Variants in LRRC4C observed in about 807,000 individuals in gnomAD.
The protein encoded by LRRC4C is leucine rich repeat containing 4C.
Under a neutral mutation model 33.6 loss-of-function variants are expected in LRRC4C, and 5 were observed. The observed-to-expected ratio is 0.15, with a 90% CI of 0.08 to 0.31. LRRC4C has a LOEUF of 0.31. LRRC4C is among the 10% of genes least tolerant of loss of function. LRRC4C has a pLI of 1.00. For missense variants in LRRC4C, 560 were observed against 796.7 expected, an observed-to-expected ratio of 0.70 and a Z score of 3.58; for synonymous variants, 329 against 302.0, an observed-to-expected ratio of 1.09 and a Z score of -0.93.
intron 2 of LRRC4C, among the ~76,000 whole-genome samples, chr11:40,660,417 C>G (rs1354710618): frequency 1.3e-5 from 2 of 152,172 alleles, no homozygotes; most frequent in South Asian, 2.1e-4. Flanking sequence ...AAGTTTCTGG[C>G]TGGAAAAGCA....
At chr11:40,600,603 A>G (rs1959889985) in intron 3 of LRRC4C, among the ~76,000 whole-genome samples, 1 of 152,224 alleles carries the variant, frequency 6.6e-6, no homozygotes, top group South Asian at 2.1e-4. Flanking sequence ...TCATTGTGCT[A>G]GTAAATCTAA....
chr11:41,397,839 A>T (rs928012621), intron 1 of LRRC4C, among the ~76,000 whole-genome samples: 4 of 151,964 alleles, frequency 2.6e-5, no homozygotes, highest in African/African-American at 9.7e-5. Context: ...CAAGGTAGAG[A>T]TCCAAACCAG....
chr11:41,024,651 T>C (rs1386847677), intron 1 of LRRC4C, among the ~76,000 whole-genome samples: 1 of 151,816 alleles, frequency 6.6e-6, no homozygotes, highest in African/African-American at 2.4e-5. Context: ...TGGCTTCATC[T>C]TAGGATCCAT....
chr11:40,707,903 T>G (rs1026063724), intron 2 of LRRC4C, among the ~76,000 whole-genome samples: 1 of 152,208 alleles, frequency 6.6e-6, no homozygotes, highest in African/African-American at 2.4e-5. Flanking sequence ...GTTATTGGTC[T>G]ATTCAGCAAT....
chr11:40,393,636 C>A (rs1240918986), intron 3 of LRRC4C, among the ~76,000 whole-genome samples: 1 of 152,084 alleles, frequency 6.6e-6, no homozygotes, highest in Admixed American at 6.6e-5. Flanking sequence ...GAATCTCCAG[C>A]AACAAAAACA....
intron 1 of LRRC4C, among the ~76,000 whole-genome samples, chr11:41,252,082 A>G (rs1018360075): frequency 1.3e-5 from 2 of 152,198 alleles, no homozygotes; most frequent in African/African-American, 2.4e-5. Context: ...TCAAAGTAAG[A>G]AGGCACTACA....
At chr11:41,037,282 G>A in intron 1 of LRRC4C, among the ~76,000 whole-genome samples, 1 of 148,188 alleles carries the variant, frequency 6.7e-6, no homozygotes, top group Admixed American at 6.7e-5. Flanking sequence ...TCTTTGATGG[G>A]TTTTTTTTTT....
At chr11:40,766,535 AT>A (rs1949474103) in intron 2 of LRRC4C, among the ~76,000 whole-genome samples, 1 of 151,848 alleles carries the variant, frequency 6.6e-6, no homozygotes, top group African/African-American at 2.4e-5. Flanking sequence ...GATGAAAAAA[AT>A]AACTATACAA....
At chr11:41,181,058 TA>T (rs1412661780) in intron 1 of LRRC4C, among the ~76,000 whole-genome samples, 1 of 152,122 alleles carries the variant, frequency 6.6e-6, no homozygotes, top group Non-Finnish European at 1.5e-5. Context: ...ATTAATAAAC[TA>T]GGAAATATTA....
At chr11:41,019,547 T>A (rs1043325819) in intron 1 of LRRC4C, among the ~76,000 whole-genome samples, 2 of 152,108 alleles carry the variant, frequency 1.3e-5, no homozygotes, top group African/African-American at 4.8e-5. Flanking sequence ...GTAATGGGAT[T>A]GCTGGCTCAA....
intron 2 of LRRC4C, among the ~76,000 whole-genome samples, chr11:40,885,652 G>A (rs569374685): frequency 7.2e-5 from 11 of 152,092 alleles, no homozygotes; most frequent in South Asian, 2.1e-4. Flanking sequence ...CACAGGTATC[G>A]TACTGAAAAT....
At chr11:40,928,028 G>C (rs1340993011) in intron 2 of LRRC4C, among the ~76,000 whole-genome samples, 6 of 151,840 alleles carry the variant, frequency 4.0e-5, no homozygotes, top group Non-Finnish European at 8.8e-5. Flanking sequence ...ACATTATTTA[G>C]AAGTTTAAAA....
At chr11:40,565,136 T>C (rs747293797) in intron 3 of LRRC4C, among the ~76,000 whole-genome samples, 11 of 152,164 alleles carry the variant, frequency 7.2e-5, no homozygotes, top group Non-Finnish European at 1.6e-4. Flanking sequence ...ACAGGAAATG[T>C]GATTCATTCC....
chr11:40,632,554 G>A (rs1963561211), intron 3 of LRRC4C, among the ~76,000 whole-genome samples: 1 of 152,208 alleles, frequency 6.6e-6, no homozygotes, highest in Non-Finnish European at 1.5e-5. Flanking sequence ...AAACAAGGAA[G>A]TGGGGACATA....
chr11:40,259,242 A>C (rs1867477398), intron 4 of LRRC4C, among the ~76,000 whole-genome samples: 1 of 151,846 alleles, frequency 6.6e-6, no homozygotes, highest in Admixed American at 6.6e-5. Flanking sequence ...TCCTTCGCCC[A>C]CTTTTTGATG....
intron 1 of LRRC4C, among the ~76,000 whole-genome samples, chr11:41,432,009 C>T (rs1955255043): frequency 6.6e-6 from 1 of 152,016 alleles, no homozygotes; most frequent in African/African-American, 2.4e-5. Flanking sequence ...GGCCATTGGC[C>T]ATGTGCCAAG....
At chr11:40,211,025 C>T (rs1863564061) in intron 5 of LRRC4C, among the ~76,000 whole-genome samples, 1 of 152,142 alleles carries the variant, frequency 6.6e-6, no homozygotes. Flanking sequence ...CATCTGCCTG[C>T]CTCGGCCTCC....
intron 1 of LRRC4C, among the ~76,000 whole-genome samples, chr11:41,354,505 G>T (rs1247172924): frequency 6.6e-6 from 1 of 151,898 alleles, no homozygotes; most frequent in African/African-American, 2.4e-5. Context: ...ATTTTTCATA[G>T]AATTAGGAAA....
intron 2 of LRRC4C, among the ~76,000 whole-genome samples, chr11:40,870,480 G>C (rs563570563): frequency 6.6e-6 from 1 of 152,290 alleles, no homozygotes; most frequent in East Asian, 1.9e-4. Flanking sequence ...ACCCCAAACG[G>C]AGGGACTGGC....
Sources: allele counts gnomAD v4.1 joint callset (sites outside exome capture counted in the v4.1 genomes callset), GRCh38; gene constraint gnomAD v4.1.1; transcripts MANE v1.5; gene names NCBI Gene and HGNC (gene_info 2026-07-23, HGNC 2026-07-21).